PRKG1: variants seen among roughly 807,000 people sequenced by gnomAD.
The protein encoded by PRKG1 is protein kinase cGMP-dependent 1.
A neutral mutation model predicts 88.1 loss-of-function variants in PRKG1; 35 were observed. That is an observed-to-expected ratio of 0.40 (90% CI 0.30 to 0.53). PRKG1 has a LOEUF of 0.53. Among genes scored for constraint, PRKG1 ranks in the 20% least tolerant of loss-of-function variants. PRKG1 has a pLI of 0.59. For missense variants in PRKG1, 540 were observed against 839.8 expected, an observed-to-expected ratio of 0.64 and a Z score of 4.41; for synonymous variants, 303 against 292.5, an observed-to-expected ratio of 1.04 and a Z score of -0.37.
At position 52,064,292 on chromosome 10, in the gene PRKG1, A is replaced by T. The variant is rs530067745; in HGVS notation, c.935+1661A>T. ...CTGGCATGCCAGCACTGCCCTGAGC[A>T]TGTGCACACCTGGCCGGACTGTGAC... On this transcript the variant is annotated intron_variant, in intron 7 of 17. Coordinates refer to ENST00000373980, the MANE Select transcript of PRKG1 (RefSeq NM_006258.4). Among the ~76,000 whole-genome samples, 14 of 152,340 alleles carry T rather than the reference A, an allele frequency of 9.2e-5. No individual in the cohort carries two copies. The South Asian group carries it at 2.3e-3, about 25-fold the overall frequency.
At chr10:52,054,952 T>G (rs1846075350) in intron 6 of PRKG1, among the ~76,000 whole-genome samples, 1 of 152,058 alleles carries the variant, frequency 6.6e-6, no homozygotes, top group African/African-American at 2.4e-5. Context: ...TTAGGCAACA[T>G]GCCAAAACCT....
intron 4 of PRKG1, among the ~76,000 whole-genome samples, chr10:51,863,787 C>T (rs1329603871): frequency 6.6e-6 from 1 of 152,180 alleles, no homozygotes; most frequent in Admixed American, 6.5e-5. Context: ...TACCCAGGCT[C>T]AGATGTCCTG....
At chr10:51,599,485 A>G (rs1465157893) in intron 3 of PRKG1, among the ~76,000 whole-genome samples, 1 of 152,216 alleles carries the variant, frequency 6.6e-6, no homozygotes, top group Non-Finnish European at 1.5e-5. Flanking sequence ...AATATATTTC[A>G]TCATTCACAA....
chr10:51,082,277 G>T (rs1018994440), intron 1 of PRKG1, among the ~76,000 whole-genome samples: 1 of 152,132 alleles, frequency 6.6e-6, no homozygotes, highest in Admixed American at 6.5e-5. Flanking sequence ...GTAGCTGCAG[G>T]AAAACTTTAT....
At chr10:51,021,572 C>G (rs1338570398) in intron 1 of PRKG1, among the ~76,000 whole-genome samples, 1 of 152,180 alleles carries the variant, frequency 6.6e-6, no homozygotes, top group Non-Finnish European at 1.5e-5. Flanking sequence ...TCTTCCTCAA[C>G]AGATTTGGCA....
chr10:51,617,231 A>C (rs575577168), intron 3 of PRKG1, among the ~76,000 whole-genome samples: 1 of 152,224 alleles, frequency 6.6e-6, no homozygotes, highest in East Asian at 1.9e-4. Context: ...CAGTTCACTC[A>C]TGGTCTCCGA....
intron 2 of PRKG1, among the ~76,000 whole-genome samples, chr10:51,159,958 TG>T (rs11297792): frequency 0.52 from 79,444 of 151,948 alleles, 22,411 homozygotes; most frequent in African/African-American, 0.76. Context: ...GGCAGCCTGA[TG>T]GTGATGGCAA....
intron 2 of PRKG1, among the ~76,000 whole-genome samples, chr10:51,204,042 A>G (rs1837979958): frequency 1.3e-5 from 2 of 152,224 alleles, no homozygotes; most frequent in African/African-American, 2.4e-5. Flanking sequence ...TTTGATATGA[A>G]GAACTATTTT....
At chr10:51,775,653 C>T (rs901344148) in intron 3 of PRKG1, among the ~76,000 whole-genome samples, 3 of 151,856 alleles carry the variant, frequency 2.0e-5, no homozygotes, top group Non-Finnish European at 2.9e-5. Flanking sequence ...GGCATGATCT[C>T]GGCTCACTGT....
At chr10:51,687,842 C>G (rs541870561) in intron 3 of PRKG1, among the ~76,000 whole-genome samples, 6 of 152,162 alleles carry the variant, frequency 3.9e-5, no homozygotes, top group African/African-American at 1.4e-4. Context: ...AAAATACATT[C>G]AGGTGTCTTC....
chr10:52,268,592 C>T (rs756083222), intron 10 of PRKG1, among the ~76,000 whole-genome samples: 8 of 151,996 alleles, frequency 5.3e-5, no homozygotes, highest in South Asian at 4.2e-4. Flanking sequence ...TAGTCGATTC[C>T]GTTAAACTCT....
chr10:51,530,299 T>C (rs1445015732), intron 3 of PRKG1, among the ~76,000 whole-genome samples: 1 of 152,240 alleles, frequency 6.6e-6, no homozygotes, highest in Non-Finnish European at 1.5e-5. Context: ...TTTGTAAGCA[T>C]GTTGTTGATT....
In PRKG1 at chr10:51,168,451, T is replaced by C. The variant is rs73335839; in HGVS notation, c.478+15121T>C. On this transcript the variant is annotated intron_variant, in intron 2 of 17. Transcript: ENST00000373980. ...TTAACATGTAATAGATTTATTATTA[T>C]TTTTAAGTGAATAAATATTTGAAAC... 4.9e-3 allele frequency among the ~76,000 whole-genome samples: 744 copies of C among 152,296 alleles called. 10 individuals carry two copies. Among genetic ancestry groups the C allele is most frequent in the African/African-American group, 0.017 (700 of 41,590 alleles).
intron 3 of PRKG1, among the ~76,000 whole-genome samples, chr10:51,617,541 C>T (rs559081782): frequency 2.6e-5 from 4 of 152,074 alleles, no homozygotes; most frequent in Admixed American, 2.0e-4. Flanking sequence ...ACTGTTGTAC[C>T]TTTTCTATGT....
Position 51,750,677 on chromosome 10 carries a change from CTA to C in PRKG1, c.593-53906_593-53905del, listed in dbSNP as rs1455364472. Among the ~76,000 whole-genome samples, 4 of 152,322 alleles carry C rather than the reference CTA, an allele frequency of 2.6e-5. No homozygotes were observed. In the East Asian group the frequency reaches 7.7e-4, roughly 29 times the overall value. On this transcript the variant is annotated intron_variant, in intron 3 of 17. Transcript: ENST00000373980. ...GGACCAGGAAGAAAGCTAACACAGA[CTA>C]TGAGGCTTTGCACTGAATGGCACTT...
At chr10:52,165,628 A>G (rs1838413196) in intron 9 of PRKG1, among the ~76,000 whole-genome samples, 1 of 152,176 alleles carries the variant, frequency 6.6e-6, no homozygotes, top group Admixed American at 6.5e-5. Context: ...GGAAGATAAG[A>G]TTAATATTTC....
At chr10:51,380,516 T>A (rs759579924) in intron 2 of PRKG1, among the ~76,000 whole-genome samples, 1 of 152,160 alleles carries the variant, frequency 6.6e-6, no homozygotes, top group Non-Finnish European at 1.5e-5. Context: ...AAGTATGAAA[T>A]AGGCCTGGTG....
intron 3 of PRKG1, among the ~76,000 whole-genome samples, chr10:51,753,355 CT>C (rs140273987): frequency 0.018 from 2,678 of 152,024 alleles, 69 homozygotes; most frequent in African/African-American, 0.06. Flanking sequence ...TGTTTAATTG[CT>C]TTTTTTGAAT....
At chr10:51,186,953 G>GTTTT (rs1175743295) in intron 2 of PRKG1, among the ~76,000 whole-genome samples, 13 of 78,254 alleles carry the variant, frequency 1.7e-4, no homozygotes, top group African/African-American at 6.2e-4. Context: ...AAGGCCCTGT[G>GTTTT]TTATATATAT....
Sources: allele counts gnomAD v4.1 joint callset (sites outside exome capture counted in the v4.1 genomes callset), GRCh38; gene constraint gnomAD v4.1.1; transcripts MANE v1.5; gene names NCBI Gene and HGNC (gene_info 2026-07-23, HGNC 2026-07-21).